The following ACACA variants were observed in gnomAD, a reference collection of about 807,000 sequenced individuals.
ACACA encodes acetyl-CoA carboxylase alpha.
Under a neutral mutation model 296.1 loss-of-function variants are expected in ACACA, and 103 were observed. The observed-to-expected ratio is 0.35, with a 90% CI of 0.30 to 0.41. The LOEUF (loss-of-function observed/expected upper bound fraction) is 0.41. Among genes scored for constraint, ACACA ranks in the 10% least tolerant of loss-of-function variants. The probability of loss-of-function intolerance (pLI) is 1.00; values close to 1 mark genes in which losing one functional copy is unlikely to be tolerated. For missense variants in ACACA, 1,554 were observed against 2,989.7 expected (o/e 0.52, Z 11.20); for synonymous variants, 953 against 1,038.6 (o/e 0.92, Z 1.58).
intron 3 of ACACA, among the ~76,000 whole-genome samples, chr17:37,323,397 C>A (rs1480259694): frequency 2.6e-5 from 4 of 152,212 alleles, no homozygotes; most frequent in East Asian, 3.9e-4. Flanking sequence ...GAATTCAAGA[C>A]CAACCAGGGC....
intron 3 of ACACA, among the ~76,000 whole-genome samples, chr17:37,324,087 C>G (rs1457585180): frequency 6.6e-6 from 1 of 151,994 alleles, no homozygotes; most frequent in Non-Finnish European, 1.5e-5. Flanking sequence ...AAAAAATTAG[C>G]TGGGCACAGT....
chr17:37,363,541 GTTTAAGA>G (rs1238278613), intron 1 of ACACA, among the ~76,000 whole-genome samples: 2 of 151,974 alleles, frequency 1.3e-5, no homozygotes, highest in Admixed American at 6.6e-5. Flanking sequence ...GAGAACAGTC[GTTTAAGA>G]TTTATCATTA....
intron 42 of ACACA, among the ~76,000 whole-genome samples, chr17:37,156,545 A>G (rs2076260047): frequency 6.6e-6 from 1 of 152,256 alleles, no homozygotes; most frequent in Non-Finnish European, 1.5e-5. Flanking sequence ...AGGAGATTCA[A>G]TATTAAAATC....
chr17:37,401,274 C>T (rs572072940), intron 1 of ACACA, among the ~76,000 whole-genome samples: 1 of 149,844 alleles, frequency 6.7e-6, no homozygotes, highest in African/African-American at 2.5e-5. Flanking sequence ...CTCACTGCAA[C>T]CTCCGCCTCC....
At chr17:37,224,126 C>A (rs188602426) in intron 27 of ACACA, among the ~76,000 whole-genome samples, 1 of 152,314 alleles carries the variant, frequency 6.6e-6, no homozygotes, top group East Asian at 1.9e-4. Flanking sequence ...CGCTTGAACT[C>A]AGGAGGTGGA....
chr17:37,368,293 T>C (rs2049682012), intron 1 of ACACA, among the ~76,000 whole-genome samples: 1 of 150,628 alleles, frequency 6.6e-6, no homozygotes, highest in Non-Finnish European at 1.5e-5. Flanking sequence ...AAATAAAAAA[T>C]TCAGTGGCTG....
intron 8 of ACACA, chr17:37,274,705 T>C (rs781197994): frequency 3.0e-6 from 3 of 984,422 alleles, no homozygotes; most frequent in Non-Finnish European, 2.4e-6. Flanking sequence ...GAAATAGAAA[T>C]GGCGGTTTTA....
At chr17:37,378,070 C>CTTAAAATAGGA in intron 1 of ACACA, 2 of 1,075,064 alleles carry the variant, frequency 1.9e-6, no homozygotes, top group Non-Finnish European at 2.8e-6. Context: ...CTCAAATATC[C>CTTAAAATAGGA]TATTTTAAGG....
intron 1 of ACACA, among the ~76,000 whole-genome samples, chr17:37,351,137 C>T (rs1275523201): frequency 6.6e-6 from 1 of 151,724 alleles, no homozygotes; most frequent in Non-Finnish European, 1.5e-5. Flanking sequence ...AAGATTGTCT[C>T]AAAAATAAAA....
chr17:37,244,093 T>C (rs2080564744), intron 21 of ACACA, among the ~76,000 whole-genome samples: 1 of 151,764 alleles, frequency 6.6e-6, no homozygotes, highest in African/African-American at 2.4e-5. Flanking sequence ...GCGGGCACAG[T>C]GGCTCACGCC....
chr17:37,259,390 A>C lies in ACACA; in HGVS notation c.1470T>G (p.Ala490=). 6.2e-7 allele frequency: 1 copy of C among 1,614,184 alleles called. No homozygotes were observed. Among genetic ancestry groups the C allele is most frequent in the Non-Finnish European group, 8.5e-7 (1 of 1,180,038 alleles). The change falls in exon 12 of 56, where the codon GCT becomes GCG. Residue 490 remains alanine (A), a synonymous_variant. Transcript: ENST00000616317. ...QVEHPCTEMV[A]DVNLPAAQLQ... ...GCTGTGCTGCAGGGAGATTGACATC[A>C]GCCACCATCTCTGTACAAGGGTGCT...
intron 29 of ACACA, among the ~76,000 whole-genome samples, chr17:37,214,488 C>T (rs2078899380): frequency 6.6e-6 from 1 of 152,176 alleles, no homozygotes; most frequent in African/African-American, 2.4e-5. Flanking sequence ...TAATTAGCTA[C>T]GAACCCACAG....
chr17:37,140,869 G>A (rs1245548199), intron 45 of ACACA: 1 of 243,502 alleles, frequency 4.1e-6, no homozygotes, highest in Non-Finnish European at 8.1e-6. Context: ...TGGGCACCAG[G>A]GCCGAGATGA....
intron 1 of ACACA, among the ~76,000 whole-genome samples, chr17:37,363,179 CTTTTTT>C (rs902746004): frequency 1.4e-5 from 1 of 72,848 alleles, no homozygotes; most frequent in Non-Finnish European, 2.3e-5. Context: ...TTCTCTTTTT[CTTTTTT>C]TTTTTTTTTT....
chr17:37,113,356 A>G lies in ACACA; in HGVS notation c.6275-91T>C, dbSNP rs2074078798. 1.5e-6 allele frequency: 2 copies of G among 1,378,752 alleles called. No homozygotes were observed. Among genetic ancestry groups the G allele is most frequent in the African/African-American group, 1.4e-5 (1 of 70,292 alleles). 85.4% of individuals were successfully genotyped at this position (1,378,752 alleles called of 1,614,324 possible). On this transcript the variant is annotated intron_variant, in intron 50 of 55. Coordinates refer to ENST00000616317, the MANE Select transcript of ACACA (RefSeq NM_198834.3). This position sits in a 1 kb window ranked among gnomAD's most constrained non-coding sequence, Gnocchi z 4.0. ...CTGTTCAGGACCTCTGGCCACGAAG[A>G]GCCTCCTTATACTATGCCTCCTGTT...
At chr17:37,289,545 G>A in intron 3 of ACACA, 1 of 1,332,906 alleles carries the variant, frequency 7.5e-7, no homozygotes, top group Non-Finnish European at 1.0e-6. Context: ...ATACAAAAAT[G>A]TCAATCAAAA....
intron 35 of ACACA, among the ~76,000 whole-genome samples, chr17:37,195,697 T>C (rs1336099538): frequency 6.6e-6 from 1 of 152,086 alleles, no homozygotes; most frequent in African/African-American, 2.4e-5. Context: ...GTAATCTCTT[T>C]TGGCACTCAA....
rs56397078 is a variant in ACACA at position 37,170,609 on chromosome 17, T to C, written c.5080-8559A>G. Among the ~76,000 whole-genome samples the C allele has an allele frequency of 1.1e-3, 170 of 152,316 alleles. 1 individual carries two copies. Among genetic ancestry groups the C allele is most frequent in the African/African-American group, 4.0e-3 (167 of 41,572 alleles). ...TAACACCAGCGATACAGAAAGGCAT[T>C]ATCTATCTATCCATATATGTATTTT... is the stretch of plus-strand genomic sequence containing the variant. On this transcript the variant is annotated intron_variant, in intron 41 of 55. Transcript: ENST00000616317.
chr17:37,171,403 T>C (rs1224008330), intron 41 of ACACA, among the ~76,000 whole-genome samples: 2 of 152,168 alleles, frequency 1.3e-5, no homozygotes, highest in African/African-American at 4.8e-5. Flanking sequence ...CTTTCCCCCT[T>C]TTGTATCTTG....
Sources: gnomAD v4.1 joint callset for allele counts (sites outside exome capture counted in the v4.1 genomes callset) on GRCh38, gnomAD v4.1.1 for gene constraint, Gnocchi (gnomAD v3.1) non-coding constraint, MANE v1.5 for transcripts, NCBI Gene and HGNC (gene_info 2026-07-23, HGNC 2026-07-21) for gene names.